RALYL: variants seen among roughly 807,000 people sequenced by gnomAD.
RALYL encodes RALY RNA binding protein like.
A neutral mutation model predicts 35.1 loss-of-function variants in RALYL; 29 were observed. The ratio of observed to expected loss-of-function variants is 0.83; its 90% confidence interval spans 0.61 to 1.13. RALYL has a LOEUF of 1.13. RALYL is among the 50% of genes most tolerant of loss of function. The pLI is 0.00. For missense variants in RALYL, 359 were observed against 360.4 expected (o/e 1.00, Z 0.03); for synonymous variants, 120 against 127.6 (o/e 0.94, Z 0.40).
intron 1 of RALYL, among the ~76,000 whole-genome samples, chr8:84,468,319 G>A (rs2052060757): frequency 6.6e-6 from 1 of 151,970 alleles, no homozygotes; most frequent in Non-Finnish European, 1.5e-5. Flanking sequence ...TCTTTCAGGA[G>A]CTCTTGTAAG....
rs182330207 is a variant in RALYL at position 84,392,868 on chromosome 8, A to C, written c.-23-136431A>C. Among the ~76,000 whole-genome samples the C allele has an allele frequency of 1.5e-3, 228 of 152,196 alleles. 2 individuals carry two copies. Among genetic ancestry groups the C allele is most frequent in the African/African-American group, 4.5e-3 (185 of 41,560 alleles). Reference sequence around the variant, plus strand: ...TAAAACAGATAGTACTGTGGTAGACAAAGTGTTTTATCATCTACATAGAAT... The same window carrying C: ...TAAAACAGATAGTACTGTGGTAGACCAAGTGTTTTATCATCTACATAGAAT... On this transcript the variant is annotated intron_variant, in intron 1 of 8. Coordinates refer to ENST00000521268, the MANE Select transcript of RALYL (RefSeq NM_173848.7).
At chr8:84,638,965 G>GACACACACACACAC (rs60361195) in intron 2 of RALYL, among the ~76,000 whole-genome samples, 2 of 116,040 alleles carry the variant, frequency 1.7e-5, no homozygotes, top group African/African-American at 6.9e-5. Context: ...CACACACACA[G>GACACACACACACAC]ACACACACAC....
At chr8:84,387,469 G>T (rs1859484063) in intron 1 of RALYL, among the ~76,000 whole-genome samples, 1 of 151,718 alleles carries the variant, frequency 6.6e-6, no homozygotes, top group African/African-American at 2.4e-5. Context: ...ACTTAATTCA[G>T]GTAAACTTCA....
At chr8:84,372,273 G>C (rs1022993647) in intron 1 of RALYL, among the ~76,000 whole-genome samples, 1 of 152,002 alleles carries the variant, frequency 6.6e-6, no homozygotes, top group African/African-American at 2.4e-5. Flanking sequence ...AGAAAAAAGG[G>C]CAGGTATTTG....
intron 1 of RALYL, among the ~76,000 whole-genome samples, chr8:84,203,290 T>C (rs1436986126): frequency 6.6e-6 from 1 of 151,878 alleles, no homozygotes; most frequent in Non-Finnish European, 1.5e-5. Flanking sequence ...TCTTTTTTTT[T>C]TTTCTTCTCA....
Position 84,307,876 on chromosome 8 carries a change from G to C in RALYL, c.-24+123452G>C, listed in dbSNP as rs562958453. 5.3e-5 allele frequency among the ~76,000 whole-genome samples: 8 copies of C among 152,170 alleles called. No individual in the cohort carries two copies. In the South Asian group the frequency reaches 1.5e-3, roughly 28 times the overall value. ...TATAGTTTGTTTCTCACAAAAAAAG[G>C]GCTCAGATAAATAAGGAATGTTCAC... On this transcript the variant is annotated intron_variant, in intron 1 of 8. Coordinates refer to ENST00000521268, the MANE Select transcript of RALYL (RefSeq NM_173848.7).
intron 1 of RALYL, among the ~76,000 whole-genome samples, chr8:84,467,232 G>T (rs559865316): frequency 6.6e-6 from 1 of 152,178 alleles, no homozygotes; most frequent in Admixed American, 6.5e-5. Context: ...TAATTGTGAT[G>T]TTAGGGTGTC....
At chr8:84,247,110 G>T (rs549419973) in intron 1 of RALYL, among the ~76,000 whole-genome samples, 1 of 152,230 alleles carries the variant, frequency 6.6e-6, no homozygotes, top group African/African-American at 2.4e-5. Context: ...AATCACGATG[G>T]TGATTTATGG....
chr8:84,203,646 G>T (rs1303157834), intron 1 of RALYL, among the ~76,000 whole-genome samples: 1 of 151,994 alleles, frequency 6.6e-6, no homozygotes, highest in Non-Finnish European at 1.5e-5. Context: ...CTGGTTTGTG[G>T]TTGATTGGAA....
chr8:84,239,617 G>A (rs1038801106), intron 1 of RALYL, among the ~76,000 whole-genome samples: 5 of 152,092 alleles, frequency 3.3e-5, no homozygotes, highest in Non-Finnish European at 2.9e-5. Flanking sequence ...TCGGTGGGGC[G>A]TGGTGGCTCA....
chr8:84,593,848 T>C (rs889022883), intron 2 of RALYL, among the ~76,000 whole-genome samples: 18 of 152,038 alleles, frequency 1.2e-4, no homozygotes, highest in Admixed American at 1.1e-3. Context: ...TAAACTCAGG[T>C]CTAGTCTCTC....
chr8:84,670,529 G>C (rs904359229), intron 2 of RALYL, among the ~76,000 whole-genome samples: 2 of 152,174 alleles, frequency 1.3e-5, no homozygotes, highest in Admixed American at 6.5e-5. Flanking sequence ...AATTTATAAA[G>C]AAAAAGAGGT....
At chr8:84,822,648 T>C (rs1430623145) in intron 4 of RALYL, among the ~76,000 whole-genome samples, 1 of 152,154 alleles carries the variant, frequency 6.6e-6, no homozygotes, top group Admixed American at 6.6e-5. Context: ...TGATAGGGAA[T>C]TTAGTAAAAT....
At chr8:84,570,150 G>A (rs888116720) in intron 2 of RALYL, among the ~76,000 whole-genome samples, 6 of 151,870 alleles carry the variant, frequency 4.0e-5, no homozygotes, top group Non-Finnish European at 2.9e-5. Context: ...GATAGGAACT[G>A]TGCTGAATCT....
chr8:84,256,325 A>G, intron 1 of RALYL, among the ~76,000 whole-genome samples: 1 of 151,284 alleles, frequency 6.6e-6, no homozygotes, highest in Non-Finnish European at 1.5e-5. Context: ...TTTCTGAACA[A>G]CATTTTTAAT....
intron 2 of RALYL, among the ~76,000 whole-genome samples, chr8:84,647,314 G>T (rs1371117424): frequency 6.6e-6 from 1 of 152,084 alleles, no homozygotes; most frequent in African/African-American, 2.4e-5. Context: ...CATGTTTGCG[G>T]AACAGAAATG....
chr8:84,657,287 T>G (rs967770450), intron 2 of RALYL, among the ~76,000 whole-genome samples: 1 of 152,228 alleles, frequency 6.6e-6, no homozygotes, highest in Non-Finnish European at 1.5e-5. Context: ...GTTTAGTATT[T>G]GTCCATTTAT....
At chr8:84,729,320 A>G (rs528604832) in intron 2 of RALYL, among the ~76,000 whole-genome samples, 1 of 152,212 alleles carries the variant, frequency 6.6e-6, no homozygotes, top group Non-Finnish European at 1.5e-5. Context: ...TTGTACACTG[A>G]TTTTGTATCC....
Position 84,774,589 on chromosome 8 carries a change from G to A in RALYL, c.267G>A (p.Met89Ile). ...ATTTTATGCTTTCAGATATCAACAT[G>A]GCAGGAGAGCCCAAACCATACAGAC... Reference protein sequence around the residue: ...VIAGQPLDINMAGEPKPYRPK... With the variant: ...VIAGQPLDINIAGEPKPYRPK... The change falls in exon 3 of 9, where the codon ATG becomes ATA. Residue 89 changes from methionine to isoleucine, a missense_variant. Coordinates refer to ENST00000521268, the MANE Select transcript of RALYL (RefSeq NM_173848.7). 6 of 1,604,766 alleles carry A rather than the reference G, an allele frequency of 3.7e-6. No homozygotes were observed. Among genetic ancestry groups the A allele is most frequent in the South Asian group, 1.1e-5 (1 of 89,536 alleles).
Sources: gnomAD v4.1 joint callset for allele counts (sites outside exome capture counted in the v4.1 genomes callset) on GRCh38, gnomAD v4.1.1 for gene constraint, MANE v1.5 for transcripts, NCBI Gene and HGNC (gene_info 2026-07-23, HGNC 2026-07-21) for gene names.